PTK2: variants seen among roughly 807,000 people sequenced by gnomAD.
PTK2 encodes protein tyrosine kinase 2.
Under a neutral mutation model 150.1 loss-of-function variants are expected in PTK2, and 45 were observed. The observed-to-expected ratio is 0.30, with a 90% CI of 0.24 to 0.38. The LOEUF (loss-of-function observed/expected upper bound fraction) is 0.38. Among genes scored for constraint, PTK2 ranks in the 10% least tolerant of loss-of-function variants. The pLI, the probability that PTK2 is intolerant of heterozygous loss-of-function variation, is 1.00. For missense variants in PTK2, 919 were observed against 1,307.3 expected (o/e 0.70, Z 4.58); for synonymous variants, 432 against 449.2 (o/e 0.96, Z 0.48).
chr8:140,958,611 T>G (rs772105674), intron 1 of PTK2, among the ~76,000 whole-genome samples: 1 of 152,254 alleles, frequency 6.6e-6, no homozygotes, highest in African/African-American at 2.4e-5. Context: ...TAAGGAGCAC[T>G]TGAAATGTAA....
At position 140,702,735 on chromosome 8, in the gene PTK2, T is replaced by C. The variant is rs571872378; in HGVS notation, c.2230-28A>G. 5 of 1,608,824 alleles carry C rather than the reference T, an allele frequency of 3.1e-6. No individual in the cohort carries two copies. The Admixed American group carries it at 6.7e-5, about 21-fold the overall frequency. On this transcript the variant is annotated intron_variant, in intron 24 of 31. Coordinates refer to ENST00000522684, the Ensembl canonical transcript of PTK2. ...GTGAATGAGTAAGGAGGCAAGGTAA[T>C]GTTCAACTATAACATCTGCACAGTT... is the stretch of plus-strand genomic sequence containing the variant.
chr8:140,727,236 G>GGGGTAAGAATTATTGTTAGATATGAAGC (rs2100046393), intron 22 of PTK2, among the ~76,000 whole-genome samples: 1 of 152,160 alleles, frequency 6.6e-6, no homozygotes, highest in African/African-American at 2.4e-5. Flanking sequence ...GAACCAAAAA[G>GGGGTAAGAATTATTGTTAGATATGAAGC]GGGTAAGAAT....
chr8:140,869,920 A>C lies in PTK2; in HGVS notation c.363-5521T>G, dbSNP rs143862079. On this transcript the variant is annotated intron_variant, in intron 4 of 31. Coordinates refer to ENST00000522684, the Ensembl canonical transcript of PTK2. ...CAATTACAGTTGAATACTTTCTTTG[A>C]GATGAGCATGTAGCAAAACATATAT... Among the ~76,000 whole-genome samples, 684 of 128,220 alleles carry C rather than the reference A, an allele frequency of 5.3e-3. 4 individuals are homozygous for C. Among genetic ancestry groups the C allele is most frequent in the African/African-American group, 0.019 (647 of 33,940 alleles). 84.1% of individuals were successfully genotyped at this position (128,220 alleles called of 152,430 possible). A position where few individuals can be genotyped will look rare whatever the true frequency, so the allele number is the denominator to read the frequency against.
chr8:140,759,530 TAAAAAAAAAAAAAA>T (rs761643170), intron 16 of PTK2, among the ~76,000 whole-genome samples: 1 of 58,064 alleles, frequency 1.7e-5, no homozygotes, highest in Admixed American at 2.6e-4. Flanking sequence ...GACCCTGTCC[TAAAAAAAAAAAAAA>T]AAAAAAAAAA....
chr8:140,941,887 G>GTTT (rs2154608869), intron 1 of PTK2, among the ~76,000 whole-genome samples: 1 of 150,690 alleles, frequency 6.6e-6, no homozygotes, highest in Non-Finnish European at 1.5e-5. Flanking sequence ...TTGTTTGTTT[G>GTTT]TTTGTTTGTT....
chr8:140,671,586 T>C (rs1042706117), intron 29 of PTK2, among the ~76,000 whole-genome samples: 5 of 151,748 alleles, frequency 3.3e-5, no homozygotes, highest in Non-Finnish European at 5.9e-5. Flanking sequence ...AAGCAGACAA[T>C]GAAGAAACAG....
At chr8:140,707,292 C>A (rs2100034361) in intron 23 of PTK2, among the ~76,000 whole-genome samples, 1 of 152,146 alleles carries the variant, frequency 6.6e-6, no homozygotes. Flanking sequence ...AATCCCAGCA[C>A]TTTGGGAGGC....
intron 24 of PTK2, 46 bp downstream of exon 27, chr8:140,706,073 C>T (rs907562566): frequency 6.8e-7 from 1 of 1,476,270 alleles, no homozygotes; most frequent in South Asian, 1.2e-5. Context: ...CCCAAAAGCG[C>T]TAAATAATAA....
chr8:140,790,107 C>G (rs2100087613), intron 13 of PTK2, among the ~76,000 whole-genome samples: 1 of 151,962 alleles, frequency 6.6e-6, no homozygotes, highest in South Asian at 2.1e-4. Context: ...AAATTTTGGC[C>G]AAAAGTCTTG....
intron 12 of PTK2, chr8:140,799,165 A>G (rs1248909574): frequency 1.3e-5 from 2 of 152,212 alleles, no homozygotes; most frequent in Admixed American, 1.3e-4. Context: ...TTTGAGATAC[A>G]TAAATAAAGG....
intron 3 of PTK2, among the ~76,000 whole-genome samples, chr8:140,885,748 GTTA>G (rs1488223594): frequency 1.1e-4 from 17 of 152,132 alleles, no homozygotes; most frequent in Non-Finnish European, 2.5e-4. Flanking sequence ...TGATTAGTAT[GTTA>G]GAGAAACAGG....
intron 29 of PTK2, chr8:140,672,104 G>A: frequency 2.2e-6 from 1 of 447,162 alleles, no homozygotes; most frequent in African/African-American, 2.0e-5. Flanking sequence ...CGATCTACCT[G>A]TAAAGTTGGT....
intron 1 of PTK2, among the ~76,000 whole-genome samples, chr8:140,998,692 G>C (rs1459445744): frequency 6.6e-6 from 1 of 151,756 alleles, no homozygotes; most frequent in Non-Finnish European, 1.5e-5. Context: ...GGTGGCGGGC[G>C]CCTGTAGTCC....
intron 1 of PTK2, among the ~76,000 whole-genome samples, chr8:140,992,535 G>T (rs535856620): frequency 2.0e-5 from 3 of 152,226 alleles, no homozygotes; most frequent in Non-Finnish European, 4.4e-5. Flanking sequence ...AGAGGCCAGA[G>T]GTAGGGCCTC....
intron 2 of PTK2, among the ~76,000 whole-genome samples, chr8:140,924,160 G>T (rs1220337790): frequency 6.6e-6 from 1 of 152,018 alleles, no homozygotes; most frequent in Non-Finnish European, 1.5e-5. Context: ...CCACGTCAGG[G>T]ACTCTGCACT....
chr8:140,847,358 T>C (rs2100126201), intron 5 of PTK2, among the ~76,000 whole-genome samples: 1 of 152,216 alleles, frequency 6.6e-6, no homozygotes, highest in Admixed American at 6.5e-5. Context: ...ATGGAATTCT[T>C]GAAATGCCTT....
rs73366345 is a variant in PTK2 at position 140,695,379 on chromosome 8, C to A, written c.2499+5512G>T. On this transcript the variant is annotated intron_variant, in intron 26 of 31. Transcript: ENST00000522684. ...TGCATTTCCTATCTTGCCTTCTGAG[C>A]CATCAGTCAGCAAGCAACGCTAAGG... Among the ~76,000 whole-genome samples the A allele has an allele frequency of 8.9e-3, 1,352 of 152,040 alleles. 23 individuals carry two copies. Among genetic ancestry groups the A allele is most frequent in the African/African-American group, 0.031 (1,291 of 41,434 alleles).
chr8:140,931,048 G>A (rs987523712), intron 1 of PTK2, among the ~76,000 whole-genome samples: 6 of 148,084 alleles, frequency 4.1e-5, no homozygotes, highest in South Asian at 2.2e-4. Context: ...TCCAGCCTGC[G>A]CGGCAGAGCG....
intron 23 of PTK2, 102 bp downstream of exon 26, chr8:140,717,496 A>C: frequency 1.1e-6 from 1 of 872,960 alleles, no homozygotes; most frequent in Non-Finnish European, 1.9e-6. Flanking sequence ...CTCTTAGAAT[A>C]ACCTGATATT....
Sources: allele counts gnomAD v4.1 joint callset (sites outside exome capture counted in the v4.1 genomes callset), GRCh38; gene constraint gnomAD v4.1.1; transcripts MANE v1.5; gene names NCBI Gene and HGNC (gene_info 2026-07-23, HGNC 2026-07-21).